CDH7: variants seen among roughly 807,000 people sequenced by gnomAD.
CDH7 encodes cadherin-7.
In CDH7, 25 loss-of-function variants were observed where a neutral mutation model predicts 71.8. The ratio of observed to expected loss-of-function variants is 0.35; its 90% confidence interval spans 0.25 to 0.49. The LOEUF is 0.49. CDH7 is among the 20% of genes least tolerant of loss of function. The probability of loss-of-function intolerance (pLI) is 0.99; values close to 1 mark genes in which losing one functional copy is unlikely to be tolerated. For missense variants in CDH7, 862 were observed against 974.6 expected (o/e 0.88, Z 1.54); for synonymous variants, 381 against 363.8 (o/e 1.05, Z -0.54).
intron 11 of CDH7, among the ~76,000 whole-genome samples, chr18:65,864,531 A>T (rs1056374239): frequency 2.0e-5 from 3 of 151,884 alleles, no homozygotes; most frequent in Non-Finnish European, 4.4e-5. Context: ...AAACTTAATA[A>T]AAAAGATGTA....
rs1422750000 is a variant in CDH7, at chr18:65,889,676, A to C, written c.*8782A>C. 6.6e-6 allele frequency: 1 copy of C among 152,334 alleles called. No homozygotes were observed. Among genetic ancestry groups the C allele is most frequent in the South Asian group, 2.1e-4 (1 of 4,828 alleles). 9.4% of individuals were successfully genotyped at this position (152,334 alleles called of 1,614,324 possible). On this transcript the variant is annotated 3_prime_UTR_variant, in exon 12 of 12. Coordinates refer to ENST00000397968, the MANE Select transcript of CDH7 (RefSeq NM_004361.5). ...GATGGTGTATACTTGCAAAATAACT[A>C]AAGAGTGTATTTAAGATTTAAATAT...
intron 6 of CDH7, among the ~76,000 whole-genome samples, chr18:65,827,428 T>C (rs1002626985): frequency 6.6e-6 from 1 of 151,886 alleles, no homozygotes; most frequent in African/African-American, 2.4e-5. Context: ...TGAATTACTA[T>C]GGAGAACCAA....
chr18:65,766,507 T>A (rs944904582), intron 2 of CDH7, among the ~76,000 whole-genome samples: 1 of 152,140 alleles, frequency 6.6e-6, no homozygotes, highest in African/African-American at 2.4e-5. Flanking sequence ...TTCTGGGCTA[T>A]GCTAGACTCC....
At chr18:65,778,827 A>C (rs1037059352) in intron 2 of CDH7, among the ~76,000 whole-genome samples, 1 of 151,866 alleles carries the variant, frequency 6.6e-6, no homozygotes, top group Non-Finnish European at 1.5e-5. Context: ...ACGTCCCCAC[A>C]AAACACACTC....
chr18:65,856,551 G>T (rs1913363272), intron 7 of CDH7, among the ~76,000 whole-genome samples: 1 of 151,944 alleles, frequency 6.6e-6, no homozygotes, highest in Non-Finnish European at 1.5e-5. Context: ...ACAAGTCAAG[G>T]GTATGTTCAT....
chr18:65,863,965 T>G (rs1365693421), intron 11 of CDH7: 1 of 152,190 alleles, frequency 6.6e-6, no homozygotes, highest in African/African-American at 2.4e-5. Context: ...ATGGTGAATG[T>G]TCAATAAATT....
intron 2 of CDH7, among the ~76,000 whole-genome samples, chr18:65,765,516 G>A (rs1916331217): frequency 6.6e-6 from 1 of 150,418 alleles, no homozygotes. Flanking sequence ...AATGTTTGTA[G>A]GACAGAAAGA....
chr18:65,810,105 A>G (rs1281328386), intron 3 of CDH7, 107 bp downstream of exon 3: 9 of 922,754 alleles, frequency 9.8e-6, no homozygotes, highest in Non-Finnish European at 1.3e-5. Context: ...CCTTACTAGT[A>G]TGTGTGTATT....
At chr18:65,779,355 AG>A in intron 2 of CDH7, among the ~76,000 whole-genome samples, 1 of 113,012 alleles carries the variant, frequency 8.8e-6, no homozygotes, top group East Asian at 2.7e-4. Context: ...CACATTGTGC[AG>A]GTTAGTTACA....
intron 6 of CDH7, among the ~76,000 whole-genome samples, chr18:65,829,746 A>T (rs1912268976): frequency 6.7e-6 from 1 of 150,138 alleles, no homozygotes; most frequent in South Asian, 2.1e-4. Context: ...CGCCTGTACC[A>T]GCAAGATGCA....
chr18:65,855,047 A>G (rs1463975018), intron 7 of CDH7, among the ~76,000 whole-genome samples: 1 of 152,008 alleles, frequency 6.6e-6, no homozygotes, highest in East Asian at 1.9e-4. Flanking sequence ...ACCTGGATAG[A>G]GTGGAGCCAT....
chr18:65,822,245 C>T lies in CDH7; in HGVS notation c.790C>T (p.Arg264Ter), dbSNP rs762100238. 1.9e-6 allele frequency: 3 copies of T among 1,603,920 alleles called. No individual in the cohort carries two copies. The highest frequency in any genetic ancestry group is 1.1e-5 in the South Asian group (1 of 90,434). ...CAACGATAATCCACCTCGCTTTCCT[C>T]GAAGTAAGTTGTTTTCTTAAGTGAC... ...DVNDNPPRFP[R>*]RSYQYNVPES... The change falls in exon 5 of 12, where the codon CGA (arginine) becomes TGA (stop). Residue 264 changes from arginine (R) to a stop codon, truncating the protein, a stop_gained. Coordinates refer to ENST00000397968, the MANE Select transcript of CDH7 (RefSeq NM_004361.5). LOFTEE classifies it high-confidence loss of function.
At chr18:65,778,549 T>TTTTTTTTTTTA (rs1267851629) in intron 2 of CDH7, among the ~76,000 whole-genome samples, 8 of 146,798 alleles carry the variant, frequency 5.4e-5, no homozygotes, top group African/African-American at 2.1e-4. Flanking sequence ...TTTTTTTTTT[T>TTTTTTTTTTTA]ACATAAAAAT....
chr18:65,820,363 T>C (rs1259180585), intron 4 of CDH7, among the ~76,000 whole-genome samples: 1 of 151,876 alleles, frequency 6.6e-6, no homozygotes, highest in East Asian at 1.9e-4. Context: ...ATCCAATTGG[T>C]CAAGACTAGA....
At position 65,881,158 on chromosome 18, in the gene CDH7, T is replaced by C. The variant is rs1343234630; in HGVS notation, c.*264T>C. 6.3e-6 allele frequency: 2 copies of C among 318,472 alleles called. No individual in the cohort carries two copies. The highest frequency in any genetic ancestry group is 4.3e-5 in the African/African-American group (2 of 46,462). 19.7% of individuals were successfully genotyped at this position (318,472 alleles called of 1,614,324 possible). ...TTGATAAAAATAAATGCTCAGTGGT[T>C]TGTGAATAGATAGCAACTCTCATAT... is the stretch of plus-strand genomic sequence containing the variant. On this transcript the variant is annotated 3_prime_UTR_variant, in exon 12 of 12. Transcript: ENST00000397968.
At chr18:65,803,985 T>G (rs12968198) in intron 2 of CDH7, among the ~76,000 whole-genome samples, 2 of 151,804 alleles carry the variant, frequency 1.3e-5, no homozygotes, top group Non-Finnish European at 2.9e-5. Context: ...AACGTTCATT[T>G]TAAGGAAAAC....
At chr18:65,770,292 A>C (rs987418335) in intron 2 of CDH7, among the ~76,000 whole-genome samples, 27 of 152,226 alleles carry the variant, frequency 1.8e-4, no homozygotes, top group African/African-American at 6.5e-4. Context: ...AGAGGTTAAA[A>C]TAAGAGCTTT....
At chr18:65,796,160 A>G (rs1910905355) in intron 2 of CDH7, among the ~76,000 whole-genome samples, 1 of 152,120 alleles carries the variant, frequency 6.6e-6, no homozygotes, top group African/African-American at 2.4e-5. Flanking sequence ...TTTAAATCAA[A>G]ATTTAGTTTC....
chr18:65,758,132 A>C (rs2143776610), intron 1 of CDH7, among the ~76,000 whole-genome samples: 1 of 152,358 alleles, frequency 6.6e-6, no homozygotes, highest in East Asian at 1.9e-4. Flanking sequence ...GTAAGAAGAT[A>C]AAAAGCCTTA....
Sources: gnomAD v4.1 joint callset for allele counts (sites outside exome capture counted in the v4.1 genomes callset) on GRCh38, gnomAD v4.1.1 for gene constraint, MANE v1.5 for transcripts, NCBI Gene and HGNC (gene_info 2026-07-23, HGNC 2026-07-21) for gene names.